The following NKD2 variants were observed in gnomAD, a reference collection of about 807,000 sequenced individuals.
NKD2 encodes protein naked cuticle homolog 2.
NKD2 carries 43 observed loss-of-function variants against 34.8 expected under a neutral mutation model. The observed-to-expected ratio is 1.24, with a 90% CI of 0.97 to 1.60. The LOEUF (loss-of-function observed/expected upper bound fraction) is 1.60, where lower values mean the gene tolerates loss of function less well. Among genes scored for constraint, NKD2 ranks in the 40% most tolerant of loss-of-function variants. The pLI is 0.00. For missense variants in NKD2, 675 were observed against 627.1 expected, an observed-to-expected ratio of 1.08 and a Z score of -0.82; for synonymous variants, 278 against 265.1, an observed-to-expected ratio of 1.05 and a Z score of -0.47.
rs1261836281 is a variant in NKD2, at chr5:1,009,407, C to T, written c.62-74C>T. On this transcript the variant is annotated intron_variant, in intron 2 of 9. Transcript: ENST00000296849. This position sits in a 1 kb window ranked among gnomAD's most constrained non-coding sequence, Gnocchi z 6.9. ...CGATGGGGACACAGCGAAGGCGCAG[C>T]GCCCGCGGGGCTCACGGCGCGTCTC... is the stretch of plus-strand genomic sequence containing the variant. The T allele has an allele frequency of 3.5e-5, 45 of 1,300,786 alleles. No individual in the cohort carries two copies. Among genetic ancestry groups the T allele is most frequent in the Non-Finnish European group, 4.6e-5 (44 of 964,022 alleles). 80.6% of individuals were successfully genotyped at this position (1,300,786 alleles called of 1,614,324 possible).
Position 1,034,798 on chromosome 5 carries a change from GCCTCGGTCAACCACT to G in NKD2, c.476_490del (p.Val159_Ser163del), listed in dbSNP as rs1414912393. The G allele has an allele frequency of 6.2e-7, 1 of 1,612,726 alleles. No individual in the cohort carries two copies. ...GCACACCATCTATGAGGTCGTGGAT[GCCTCGGTCAACCACT>G]CCTCGGGCAGCAGCAAGACCCTCCG... On this transcript the variant is annotated inframe_deletion, in exon 7 of 10. Transcript: ENST00000296849.
chr5:1,036,221 G>A (rs764883890), intron 8 of NKD2, 36 bp from the exon 9 acceptor site: 25 of 1,544,462 alleles, frequency 1.6e-5, no homozygotes, highest in East Asian at 2.3e-5. Context: ...CACCCAGTCT[G>A]TGCGGGGGTC....
Position 1,026,450 on chromosome 5 carries a change from G to A in NKD2, c.142-5702G>A, listed in dbSNP as rs186915330. 5.7e-5 allele frequency among the ~76,000 whole-genome samples: 5 copies of A among 87,942 alleles called. 2 individuals are homozygous for A. The highest frequency in any genetic ancestry group is 2.5e-4 in the Admixed American group (2 of 8,054). 57.7% of individuals were successfully genotyped at this position (87,942 alleles called of 152,430 possible). A position where few individuals can be genotyped will look rare whatever the true frequency, so the allele number is the denominator to read the frequency against. ...CCTGCTCTTCCCACCCTCTGTGGGC[G>A]TCTCAGCCCATTGTCCCTGCTCTTC... is the stretch of plus-strand genomic sequence containing the variant. On this transcript the variant is annotated intron_variant, in intron 3 of 9. Coordinates refer to ENST00000296849, the MANE Select transcript of NKD2 (RefSeq NM_033120.4).
At chr5:1,017,079 G>A (rs967076869) in intron 3 of NKD2, among the ~76,000 whole-genome samples, 2 of 151,918 alleles carry the variant, frequency 1.3e-5, no homozygotes, top group East Asian at 3.9e-4. Flanking sequence ...CCTCATCCTC[G>A]TTCCCACAAA....
At position 1,009,535 on chromosome 5, in the gene NKD2, C is replaced by T. The variant is rs978930251; in HGVS notation, c.116C>T (p.Ala39Val). 1.3e-6 allele frequency: 2 copies of T among 1,492,196 alleles called. No homozygotes were observed. Among genetic ancestry groups the T allele is most frequent in the East Asian group, 2.8e-5 (1 of 35,458 alleles). 92.4% of individuals were successfully genotyped at this position (1,492,196 alleles called of 1,614,324 possible). ...YASGRKGAEE[A>V]ERRARDKQEL... Reference sequence around the variant, plus strand: ...AGCGGCCGCAAAGGCGCGGAGGAAGCGGAGCGGCGCGCGCGGGACAAGCAG... The same window carrying T: ...AGCGGCCGCAAAGGCGCGGAGGAAGTGGAGCGGCGCGCGCGGGACAAGCAG... The change falls in exon 3 of 10, where the codon GCG becomes GTG. Residue 39 changes from alanine to valine, a missense_variant. Ala to Val is a moderately conservative substitution (Grantham distance 64). Coordinates refer to ENST00000296849, the MANE Select transcript of NKD2 (RefSeq NM_033120.4). The surrounding 1 kb of genome is among the most constrained non-coding windows in gnomAD (Gnocchi z 6.9).
chr5:1,037,851 G>C lies in NKD2; in HGVS notation c.834G>C (p.Ser278=). ...AGCAGGAGCCCCAGGGCAGGGCCTC[G>C]CACCTCCAGGCCCGGTCCCGCTCCC... is the stretch of plus-strand genomic sequence containing the variant. ...QAKQEPQGRA[S]HLQARSRSQE... The change falls in exon 10 of 10, where the codon TCG becomes TCC. Residue 278 remains serine, a synonymous_variant. Coordinates refer to ENST00000296849, the MANE Select transcript of NKD2 (RefSeq NM_033120.4). 6.3e-7 allele frequency: 1 copy of C among 1,594,862 alleles called. No individual in the cohort carries two copies. The highest frequency in any genetic ancestry group is 1.3e-5 in the African/African-American group (1 of 74,716).
chr5:1,013,262 C>T (rs923957033), intron 3 of NKD2, among the ~76,000 whole-genome samples: 1 of 152,214 alleles, frequency 6.6e-6, no homozygotes, highest in African/African-American at 2.4e-5. Context: ...CCTGTGTCCT[C>T]ATGGAGCTGA....
At chr5:1,034,447 C>CA in intron 6 of NKD2, 117 bp downstream of exon 6, 1 of 859,610 alleles carries the variant, frequency 1.2e-6, no homozygotes, top group Non-Finnish European at 1.9e-6. Flanking sequence ...GCGAGGTCCT[C>CA]ATGCCAGCTG....
At position 1,009,236 on chromosome 5, in the gene NKD2, CGGGGCGG is replaced by C; in HGVS notation, c.61+30_61+36del. On this transcript the variant is annotated intron_variant, in intron 2 of 9. Coordinates refer to ENST00000296849, the MANE Select transcript of NKD2 (RefSeq NM_033120.4). The surrounding 1 kb of genome is among the most constrained non-coding windows in gnomAD (Gnocchi z 6.9). ...GAAGGTGAGCGGGCGAGCCGACGGGCGGGGCGGGGGGCGGCGACCCGGCCCGGGACCC... is the reference window on the plus strand; with the variant it reads ...GAAGGTGAGCGGGCGAGCCGACGGGCGGGGCGGCGACCCGGCCCGGGACCC... The C allele has an allele frequency of 2.0e-6, 1 of 493,216 alleles. No individual in the cohort carries two copies. 30.6% of individuals were successfully genotyped at this position (493,216 alleles called of 1,614,324 possible). A position where few individuals can be genotyped will look rare whatever the true frequency, so the allele number is the denominator to read the frequency against.
chr5:1,027,287 G>A (rs1226752184), intron 3 of NKD2, among the ~76,000 whole-genome samples: 2 of 152,354 alleles, frequency 1.3e-5, no homozygotes, highest in South Asian at 4.1e-4. Context: ...GGATCTAGGG[G>A]TGCCAGGTGC....
At chr5:1,021,408 C>T (rs1281011524) in intron 3 of NKD2, among the ~76,000 whole-genome samples, 1 of 135,068 alleles carries the variant, frequency 7.4e-6, no homozygotes, top group Admixed American at 7.4e-5. Context: ...CAACCCCTGC[C>T]CCCGACCCAG....
chr5:1,013,176 C>G (rs562130304), intron 3 of NKD2, among the ~76,000 whole-genome samples: 1 of 152,334 alleles, frequency 6.6e-6, no homozygotes, highest in East Asian at 1.9e-4. Context: ...CCAAAGGGAG[C>G]AGGGGTGCCT....
chr5:1,035,697 C>T, intron 8 of NKD2: 1 of 550,446 alleles, frequency 1.8e-6, no homozygotes. Flanking sequence ...CTTTGAGGGG[C>T]AGCAGCCACA....
intron 8 of NKD2, among the ~76,000 whole-genome samples, 171 bp downstream of exon 8, chr5:1,035,644 C>T (rs1733866906): frequency 6.6e-6 from 1 of 152,270 alleles, no homozygotes; most frequent in African/African-American, 2.4e-5. Context: ...CAGCATCTGG[C>T]ACCCTGGCTG....
rs777033952 is a variant in NKD2 at position 1,038,588 on chromosome 5, C to G, written c.*215C>G. 6 of 915,080 alleles carry G rather than the reference C, an allele frequency of 6.6e-6. No homozygotes were observed. Among genetic ancestry groups the G allele is most frequent in the African/African-American group, 1.6e-5 (1 of 61,144 alleles). The allele number at this position is 915,080 out of a possible 1,614,324, so 56.7% of individuals were successfully genotyped here. On this transcript the variant is annotated 3_prime_UTR_variant, in exon 10 of 10. Coordinates refer to ENST00000296849, the MANE Select transcript of NKD2 (RefSeq NM_033120.4). This position sits in a 1 kb window ranked among gnomAD's most constrained non-coding sequence, Gnocchi z 4.5. ...CAGGCGCCCTCTGCTCTTCTGCCCT[C>G]GATGCCACATGGCGGTGAACACATC... is the stretch of plus-strand genomic sequence containing the variant.
chr5:1,033,450 CA>C lies in NKD2; in HGVS notation c.284del (p.Asn95ThrfsTer77). On this transcript the variant is annotated frameshift_variant, in exon 5 of 10. Coordinates refer to ENST00000296849, the MANE Select transcript of NKD2 (RefSeq NM_033120.4). LOFTEE classifies it high-confidence loss of function. ...AGCGCAGATGACGGAGAGAGGGCAG[CA>C]AACCGCGAGGGCCCGCGAGGACCGG... ...LLSADDGERA[A>X]NREGPRGPGG... 1 of 1,568,358 alleles carries C rather than the reference CA, an allele frequency of 6.4e-7. No individual in the cohort carries two copies. Among genetic ancestry groups the C allele is most frequent in the Non-Finnish European group, 8.6e-7 (1 of 1,157,404 alleles).
rs187239209 is a variant in NKD2 at position 1,036,639 on chromosome 5, C to T, written c.787+255C>T. On this transcript the variant is annotated intron_variant, in intron 9 of 9. Coordinates refer to ENST00000296849, the MANE Select transcript of NKD2 (RefSeq NM_033120.4). Reference sequence around the variant, plus strand: ...GTCCCGTCCAGGTGTGTGTATGTGGCGGATGCGGGGGTGCCTGGTTCAAAG... The same window carrying T: ...GTCCCGTCCAGGTGTGTGTATGTGGTGGATGCGGGGGTGCCTGGTTCAAAG... 2.2e-4 allele frequency: 134 copies of T among 614,294 alleles called. 1 individual carries two copies. The East Asian group carries it at 3.4e-3, about 16-fold the overall frequency. The allele number at this position is 614,294 out of a possible 1,614,324, so 38.1% of individuals were successfully genotyped here.
At chr5:1,028,592 A>C (rs547239421) in intron 3 of NKD2, among the ~76,000 whole-genome samples, 3 of 152,012 alleles carry the variant, frequency 2.0e-5, no homozygotes, top group Non-Finnish European at 2.9e-5. Context: ...GACAACGGGC[A>C]TGGGGAGGTC....
Position 1,038,863 on chromosome 5 carries a change from GC to G in NKD2, c.*491del. On this transcript the variant is annotated 3_prime_UTR_variant, in exon 10 of 10. Transcript: ENST00000296849. This position sits in a 1 kb window ranked among gnomAD's most constrained non-coding sequence, Gnocchi z 4.5. ...GGGACAGGGCCGGTGGGGGGAAGCA[GC>G]TTGTGCTTAGCAGGGAGCATCCGCG... The G allele has an allele frequency of 3.5e-6, 1 of 288,490 alleles. No individual in the cohort carries two copies. Among genetic ancestry groups the G allele is most frequent in the Non-Finnish European group, 6.7e-6 (1 of 149,740 alleles). 17.9% of individuals were successfully genotyped at this position (288,490 alleles called of 1,614,324 possible).
Sources: gnomAD v4.1 joint callset for allele counts (sites outside exome capture counted in the v4.1 genomes callset) on GRCh38, gnomAD v4.1.1 for gene constraint, Gnocchi (gnomAD v3.1) non-coding constraint, MANE v1.5 for transcripts, NCBI Gene and HGNC (gene_info 2026-07-23, HGNC 2026-07-21) for gene names.